Variants in RALGAPB observed in about 807,000 individuals in gnomAD.
The protein encoded by RALGAPB is Ral GTPase activating protein non-catalytic subunit beta, also known as ral GTPase-activating protein subunit beta.
RALGAPB carries 25 observed loss-of-function variants against 161.1 expected under a neutral mutation model. The ratio of observed to expected loss-of-function variants is 0.16; its 90% CI spans 0.11 to 0.22. RALGAPB has a LOEUF of 0.22. Ranked by LOEUF, RALGAPB falls within the 10% of genes least tolerant of loss-of-function variation. The pLI, the probability that RALGAPB is intolerant of heterozygous loss-of-function variation, is 1.00. For synonymous variants in RALGAPB, 629 were observed against 626.1 expected (o/e 1.00, Z -0.07); for missense variants, 1,391 against 1,815.2 (o/e 0.77, Z 4.25).
In RALGAPB at chr20:38,574,834, C is replaced by T; in HGVS notation, c.4352C>T (p.Ser1451Phe). Residue 1451 changes from serine (S) to phenylalanine (F), a missense_variant, in exon 30 of 30, where the codon TCC (serine) becomes TTC (phenylalanine). Transcript: ENST00000262879. The part of the protein sequence containing the change: ...ICRRKRLESD[S>F]YSPPHVRRKQ... ...AGAAGAAAGAGACTGGAAAGTGACT[C>T]CTACAGTCCCCCCCATGTCCGCCGG... 1.9e-6 allele frequency: 3 copies of T among 1,613,882 alleles called. No homozygotes were observed. The highest frequency in any genetic ancestry group is 1.7e-6 in the Non-Finnish European group (2 of 1,179,778).
chr20:38,541,321 C>T, intron 18 of RALGAPB, 129 bp downstream of exon 18: 1 of 955,118 alleles, frequency 1.0e-6, no homozygotes, highest in Admixed American at 3.4e-5. Context: ...TACTTTTTCT[C>T]CAGAAATAAA....
chr20:38,476,879 A>G (rs1040476124), intron 1 of RALGAPB, among the ~76,000 whole-genome samples: 2 of 152,230 alleles, frequency 1.3e-5, no homozygotes, highest in Admixed American at 1.3e-4. Context: ...TATGTGGATA[A>G]TCAGAGTACG....
At position 38,503,409 on chromosome 20, in the gene RALGAPB, C is replaced by G. The variant is rs80008946; in HGVS notation, c.740+3776C>G. On this transcript the variant is annotated intron_variant, in intron 5 of 29. Transcript: ENST00000262879. ...GAGTTTGGAAGAAGTTGATTCCAAC[C>G]CTAATGAATGACTCTGAGGGGTTCA... Among the ~76,000 whole-genome samples, 1,438 of 152,184 alleles carry G rather than the reference C, an allele frequency of 9.4e-3. 24 individuals carry two copies. The highest frequency in any genetic ancestry group is 0.033 in the African/African-American group (1,356 of 41,512).
intron 1 of RALGAPB, among the ~76,000 whole-genome samples, chr20:38,477,791 G>T (rs1285529986): frequency 3.3e-5 from 5 of 152,114 alleles, no homozygotes; most frequent in Admixed American, 1.3e-4. Context: ...GGCACTGCAG[G>T]TATTCTCCCT....
chr20:38,567,280 G>A (rs754768771), intron 26 of RALGAPB, 48 bp downstream of exon 26: 2 of 1,586,182 alleles, frequency 1.3e-6, no homozygotes, highest in South Asian at 2.3e-5. Flanking sequence ...GTGAAATCAG[G>A]GTAATTATAG....
At chr20:38,498,746 A>G (rs1340288851) in intron 4 of RALGAPB, among the ~76,000 whole-genome samples, 1 of 152,126 alleles carries the variant, frequency 6.6e-6, no homozygotes, top group East Asian at 1.9e-4. Flanking sequence ...CTGTTTTTCC[A>G]CCTGGTTCCA....
chr20:38,509,092 A>G lies in RALGAPB; in HGVS notation c.756A>G (p.Thr252=). Residue 252 remains threonine, a synonymous_variant, in exon 6 of 30, where the codon ACA becomes ACG. Transcript: ENST00000262879. ...TATTTTCTAGATTGCTACGCTTTAC[A>G]TATGGTCCTTCATTTCCTGCATTTA... ...CALTSRLLRF[T]YGPSFPAFKV... 2.5e-6 allele frequency: 4 copies of G among 1,613,764 alleles called. No homozygotes were observed. The highest frequency in any genetic ancestry group is 2.2e-5 in the South Asian group (2 of 91,078).
rs1051598773 is a variant in RALGAPB at position 38,577,344 on chromosome 20, A to G, written c.*2377A>G. Reference sequence around the variant, plus strand: ...GGAACATATTTAGCACCTAATATTAATATTTAGTAGTCCATTGATAAATTT... The same window carrying G: ...GGAACATATTTAGCACCTAATATTAGTATTTAGTAGTCCATTGATAAATTT... On this transcript the variant is annotated 3_prime_UTR_variant, in exon 30 of 30. Coordinates refer to ENST00000262879, the MANE Select transcript of RALGAPB (RefSeq NM_020336.4). The G allele has an allele frequency of 6.6e-6, 1 of 152,212 alleles. No homozygotes were observed. Among genetic ancestry groups the G allele is most frequent in the African/African-American group, 2.4e-5 (1 of 41,442 alleles). The allele number at this position is 152,212 out of a possible 1,614,324, so 9.4% of individuals were successfully genotyped here. A position where few individuals can be genotyped will look rare whatever the true frequency, so the allele number is the denominator to read the frequency against.
Position 38,565,493 on chromosome 20 carries a change from G to T in RALGAPB, c.3817+15G>T. 6.2e-7 allele frequency: 1 copy of T among 1,611,708 alleles called. No individual in the cohort carries two copies. Among genetic ancestry groups the T allele is most frequent in the African/African-American group, 1.3e-5 (1 of 74,892 alleles). The stretch of plus-strand genomic sequence containing the variant: ...GGAGTCCTTAAGTAAGATGATTTTT[G>T]CATGGTCCTGTTTTAGGATCTATTT... On this transcript the variant is annotated intron_variant, in intron 25 of 29. Transcript: ENST00000262879.
At chr20:38,497,556 C>A in intron 4 of RALGAPB, 40 bp downstream of exon 4, 1 of 1,569,132 alleles carries the variant, frequency 6.4e-7, no homozygotes. Context: ...TTCTGAGCTC[C>A]AAATACAGTT....
intron 1 of RALGAPB, among the ~76,000 whole-genome samples, chr20:38,486,376 C>G (rs2085116159): frequency 6.6e-6 from 1 of 152,098 alleles, no homozygotes; most frequent in African/African-American, 2.4e-5. Flanking sequence ...CATTTAAAAA[C>G]TTAAAAAAAG....
chr20:38,553,948 G>A lies in RALGAPB; in HGVS notation c.3244G>A (p.Glu1082Lys). 3.1e-6 allele frequency: 5 copies of A among 1,613,620 alleles called. No individual in the cohort carries two copies. The highest frequency in any genetic ancestry group is 4.2e-6 in the Non-Finnish European group (5 of 1,179,622). The change falls in exon 22 of 30, where the codon GAG (glutamate) becomes AAG (lysine). Residue 1082 changes from glutamate (E) to lysine (K), a missense_variant. Physicochemically the swap from Glu to Lys is moderately conservative, Grantham distance 56. This residue lies in a region of RALGAPB where 436 missense variants were observed against 527.0 expected (regional missense o/e 0.83). Transcript: ENST00000262879. ...AATACACCTTGAGCAACAGAGTGAG[G>A]AGGAATTGCAGAAGAGAAGTTTTCC... ...YEIHLEQQSEEELQKRSFPDP... is the reference protein window; with the variant it reads ...YEIHLEQQSEKELQKRSFPDP...
intron 5 of RALGAPB, among the ~76,000 whole-genome samples, chr20:38,501,902 C>G (rs1236595597): frequency 6.6e-6 from 1 of 151,916 alleles, no homozygotes; most frequent in African/African-American, 2.4e-5. Context: ...TTAGGTATGT[C>G]GTAGGCATAA....
At chr20:38,518,428 T>C (rs1336510103) in intron 9 of RALGAPB, among the ~76,000 whole-genome samples, 4 of 152,234 alleles carry the variant, frequency 2.6e-5, no homozygotes, top group African/African-American at 9.6e-5. Flanking sequence ...AAATTTTTGC[T>C]TCACACTACA....
chr20:38,476,214 T>C (rs1484586950), intron 1 of RALGAPB, among the ~76,000 whole-genome samples: 1 of 152,370 alleles, frequency 6.6e-6, no homozygotes, highest in East Asian at 1.9e-4. Context: ...ACTCTAATCA[T>C]GATAGCTTGG....
intron 28 of RALGAPB, 56 bp downstream of exon 28, chr20:38,570,903 C>G (rs1403943821): frequency 9.0e-7 from 1 of 1,116,926 alleles, no homozygotes; most frequent in African/African-American, 1.6e-5. Context: ...ATATTGATTG[C>G]AGCTTAATAA....
chr20:38,570,214 T>G (rs1352375296), intron 27 of RALGAPB, among the ~76,000 whole-genome samples: 3 of 152,180 alleles, frequency 2.0e-5, no homozygotes, highest in Non-Finnish European at 4.4e-5. Context: ...TTGTGAAGAT[T>G]CGATGAGACC....
At chr20:38,523,771 A>G (rs1334703813) in intron 10 of RALGAPB, among the ~76,000 whole-genome samples, 1 of 152,204 alleles carries the variant, frequency 6.6e-6, no homozygotes, top group Non-Finnish European at 1.5e-5. Flanking sequence ...AGGTTGTCAG[A>G]CTGAGGAACA....
In RALGAPB at chr20:38,478,026, G is replaced by A. The variant is rs1289883648; in HGVS notation, c.-31+4957G>A. Among the ~76,000 whole-genome samples, 4 of 152,208 alleles carry A rather than the reference G, an allele frequency of 2.6e-5. No individual in the cohort carries two copies. In the East Asian group the frequency reaches 7.7e-4, roughly 29 times the overall value. On this transcript the variant is annotated intron_variant, in intron 1 of 29. Coordinates refer to ENST00000262879, the MANE Select transcript of RALGAPB (RefSeq NM_020336.4). ...TGTGGTCTGTTACTTGGGAGGCTGA[G>A]TGGGAGGATTACTTAAGCCTGGGAG...
Sources: allele counts gnomAD v4.1 joint callset (sites outside exome capture counted in the v4.1 genomes callset), GRCh38; gene constraint gnomAD v4.1.1; regional missense constraint gnomAD v4.1.1; transcripts MANE v1.5; gene names NCBI Gene and HGNC (gene_info 2026-07-23, HGNC 2026-07-21).